KIAA2012: variants seen among roughly 807,000 people sequenced by gnomAD.
KIAA2012 encodes the protein uncharacterized protein KIAA2012.
A neutral mutation model predicts 150.6 loss-of-function variants in KIAA2012; 125 were observed. The observed-to-expected ratio is 0.83, with a 90% CI of 0.72 to 0.96. The LOEUF is 0.96. Ranked by LOEUF, KIAA2012 falls within the 40% of genes least tolerant of loss-of-function variation. The pLI is 0.00. For synonymous variants in KIAA2012, 462 were observed against 504.7 expected, an observed-to-expected ratio of 0.92 and a Z score of 1.13; for missense variants, 1,219 against 1,354.9, an observed-to-expected ratio of 0.90 and a Z score of 1.57.
intron 11 of KIAA2012, among the ~76,000 whole-genome samples, chr2:202,117,993 T>A (rs1690568706): frequency 6.6e-6 from 1 of 152,042 alleles, no homozygotes; most frequent in African/African-American, 2.4e-5. Context: ...TAACATGGCA[T>A]GTTTCTAAAT....
chr2:202,103,214 C>A, intron 8 of KIAA2012, 100 bp downstream of exon 8: 1 of 1,102,508 alleles, frequency 9.1e-7, no homozygotes, highest in Non-Finnish European at 1.3e-6. Context: ...TCCCTATGGT[C>A]ATCCCCTTCA....
At chr2:202,189,809 G>A (rs1187995679) in intron 18 of KIAA2012, among the ~76,000 whole-genome samples, 1 of 152,016 alleles carries the variant, frequency 6.6e-6, no homozygotes, top group African/African-American at 2.4e-5. Flanking sequence ...TACTAAAAAG[G>A]GGCCAGGCAC....
intron 11 of KIAA2012, among the ~76,000 whole-genome samples, chr2:202,117,425 G>T (rs1290165694): frequency 6.6e-6 from 1 of 152,140 alleles, no homozygotes; most frequent in Non-Finnish European, 1.5e-5. Context: ...ATGTTGGTGG[G>T]GTACTGTTTA....
At chr2:202,202,103 C>G (rs1692541505) in intron 22 of KIAA2012, among the ~76,000 whole-genome samples, 2 of 152,208 alleles carry the variant, frequency 1.3e-5, no homozygotes, top group South Asian at 4.1e-4. Flanking sequence ...CTGCCTGCCT[C>G]TACCTCCCAA....
chr2:202,081,675 G>A (rs1444352383), intron 2 of KIAA2012, among the ~76,000 whole-genome samples: 1 of 150,988 alleles, frequency 6.6e-6, no homozygotes, highest in Non-Finnish European at 1.5e-5. Flanking sequence ...AGCCTCCCTA[G>A]TAGCTGGGAT....
At chr2:202,138,832 C>T (rs1042494639) in intron 13 of KIAA2012, among the ~76,000 whole-genome samples, 1 of 152,064 alleles carries the variant, frequency 6.6e-6, no homozygotes, top group South Asian at 2.1e-4. Context: ...AGTTTTCATT[C>T]GTAAAATTAG....
chr2:202,124,545 G>A (rs550409865), intron 11 of KIAA2012, among the ~76,000 whole-genome samples: 1 of 152,280 alleles, frequency 6.6e-6, no homozygotes, highest in African/African-American at 2.4e-5. Flanking sequence ...CCCCATGGCT[G>A]CACACACTGA....
chr2:202,195,737 G>A (rs1467528651), intron 21 of KIAA2012, among the ~76,000 whole-genome samples: 1 of 151,934 alleles, frequency 6.6e-6, no homozygotes, highest in Non-Finnish European at 1.5e-5. Context: ...CTATTTCCAT[G>A]AGATCAATGT....
chr2:202,075,827 T>C (rs911869798), intron 2 of KIAA2012, among the ~76,000 whole-genome samples: 3 of 152,246 alleles, frequency 2.0e-5, no homozygotes, highest in Non-Finnish European at 4.4e-5. Flanking sequence ...AGGTTAGAAA[T>C]GGTGGGTGAC....
intron 17 of KIAA2012, among the ~76,000 whole-genome samples, 161 bp from the exon 18 acceptor site, chr2:202,187,991 T>C (rs1692262334): frequency 6.6e-6 from 1 of 152,184 alleles, no homozygotes; most frequent in Non-Finnish European, 1.5e-5. Flanking sequence ...AGTCTCCCCA[T>C]CGGCTCTGCA....
At chr2:202,114,110 C>T (rs932058674) in intron 11 of KIAA2012, 2 of 152,124 alleles carry the variant, frequency 1.3e-5, no homozygotes, top group African/African-American at 2.4e-5. Context: ...CGTCATGACC[C>T]GCTCAATAAA....
chr2:202,166,390 C>A (rs574465028), intron 15 of KIAA2012, among the ~76,000 whole-genome samples: 2 of 152,134 alleles, frequency 1.3e-5, no homozygotes, highest in African/African-American at 4.8e-5. Context: ...CAGTGGCTCA[C>A]GCCTGTAATC....
rs1192199019 is a variant in KIAA2012, at chr2:202,109,757, G to T, written c.1619G>T (p.Arg540Ile). 2.6e-6 allele frequency: 4 copies of T among 1,549,780 alleles called. No homozygotes were observed. Among genetic ancestry groups the T allele is most frequent in the Non-Finnish European group, 1.7e-6 (2 of 1,146,630 alleles). Residue 540 changes from arginine to isoleucine, a missense_variant, in exon 10 of 24, where the codon AGA becomes ATA. By Grantham distance (97) the Arg-to-Ile change is moderately conservative. Coordinates refer to ENST00000498697, the MANE Select transcript of KIAA2012 (RefSeq NM_001277372.4). ...HNSPPSLPNM[R>I]VPRRALPAAQ... ...AGCCCCCCAAGTCTCCCGAACATGA[G>T]AGTGCCCAGGAGGGCACTGCCAGCA...
At chr2:202,149,492 C>T (rs1456850958) in intron 13 of KIAA2012, among the ~76,000 whole-genome samples, 1 of 152,230 alleles carries the variant, frequency 6.6e-6, no homozygotes, top group African/African-American at 2.4e-5. Context: ...AGCTTGCCCG[C>T]AGGTTCCCGG....
At chr2:202,204,268 G>C (rs985437564) in intron 23 of KIAA2012, among the ~76,000 whole-genome samples, 3 of 151,888 alleles carry the variant, frequency 2.0e-5, no homozygotes, top group African/African-American at 7.3e-5. Context: ...GTACAGATGG[G>C]GTTTCGTCAT....
rs1326462903 is a variant in KIAA2012 at position 202,126,370 on chromosome 2, ATTG to A, written c.1831+1091_1831+1093del. 2.0e-5 allele frequency among the ~76,000 whole-genome samples: 3 copies of A among 152,318 alleles called. No individual in the cohort carries two copies. The East Asian group carries it at 5.8e-4, about 29-fold the overall frequency. ...GCTATAGGCAAATCAGGGTGGAAGGATTGTTTTTGCCAGAGATTGCAAAACTAA... is the reference window on the plus strand; with the variant it reads ...GCTATAGGCAAATCAGGGTGGAAGGATTTTTGCCAGAGATTGCAAAACTAA... On this transcript the variant is annotated intron_variant, in intron 12 of 23. Transcript: ENST00000498697.
chr2:202,134,654 A>C (rs1489570765), intron 12 of KIAA2012, among the ~76,000 whole-genome samples: 1 of 152,192 alleles, frequency 6.6e-6, no homozygotes, highest in Non-Finnish European at 1.5e-5. Flanking sequence ...TCCTGGGTTC[A>C]AGTGATTCTC....
At position 202,093,095 on chromosome 2, in the gene KIAA2012, CA is replaced by C; in HGVS notation, c.597del (p.Gln199HisfsTer51). On this transcript the variant is annotated frameshift_variant, in exon 4 of 24. Coordinates refer to ENST00000498697, the MANE Select transcript of KIAA2012 (RefSeq NM_001277372.4). LOFTEE classifies it high-confidence loss of function. ...TAATGTACCAAAGAAGCTCAGGCCA[CA>C]ACAAGATCTTTCAGGTGTACCCCCA... The part of the protein sequence containing the change: ...QLNVPKKLRP[Q>X]QDLSGVPPKY... 6.5e-7 allele frequency: 1 copy of C among 1,550,198 alleles called. No individual in the cohort carries two copies. Among genetic ancestry groups the C allele is most frequent in the African/African-American group, 1.4e-5 (1 of 73,162 alleles).
intron 14 of KIAA2012, among the ~76,000 whole-genome samples, chr2:202,160,811 CT>C (rs1691638491): frequency 6.6e-6 from 1 of 152,110 alleles, no homozygotes; most frequent in Non-Finnish European, 1.5e-5. Flanking sequence ...CTGGTTAAGC[CT>C]TTTGAGAACT....
Sources: allele counts gnomAD v4.1 joint callset (sites outside exome capture counted in the v4.1 genomes callset), GRCh38; gene constraint gnomAD v4.1.1; transcripts MANE v1.5; gene names NCBI Gene and HGNC (gene_info 2026-07-23, HGNC 2026-07-21).